The following TRPM1 variants were observed in gnomAD, a reference collection of about 807,000 sequenced individuals.
TRPM1 encodes the protein transient receptor potential cation channel subfamily M member 1.
TRPM1 carries 113 observed loss-of-function variants against 149.4 expected under a neutral mutation model. The ratio of observed to expected loss-of-function variants is 0.76; its 90% CI spans 0.65 to 0.88. The LOEUF is 0.88. Ranked by LOEUF, TRPM1 falls within the 40% of genes least tolerant of loss-of-function variation. TRPM1 has a pLI of 0.00. For synonymous variants in TRPM1, 741 were observed against 759.5 expected (o/e 0.98, Z 0.40); for missense variants, 1,976 against 2,038.7 (o/e 0.97, Z 0.59).
intron 18 of TRPM1, among the ~76,000 whole-genome samples, chr15:31,039,332 C>G (rs2033534170): frequency 6.6e-6 from 1 of 152,108 alleles, no homozygotes; most frequent in Non-Finnish European, 1.5e-5. Flanking sequence ...TATTAATATC[C>G]TAAGTTATGT....
intron 1 of TRPM1, among the ~76,000 whole-genome samples, chr15:31,113,679 T>C (rs1041231891): frequency 1.3e-5 from 2 of 152,008 alleles, no homozygotes; most frequent in South Asian, 2.1e-4. Context: ...ACCCACGTTT[T>C]AAGACTACTG....
At chr15:31,052,729 C>A (rs1488927371) in intron 11 of TRPM1, among the ~76,000 whole-genome samples, 1 of 152,170 alleles carries the variant, frequency 6.6e-6, no homozygotes, top group African/African-American at 2.4e-5. Context: ...GAGCTGAGAT[C>A]GTGCCGTTGC....
rs938372079 is a variant in TRPM1 at position 31,100,060 on chromosome 15, TTTCTTTC to T, written c.-84+1590_-84+1596del. On this transcript the variant is annotated intron_variant, in intron 1 of 27. Coordinates refer to ENST00000256552, the MANE Select transcript of TRPM1 (RefSeq NM_001252024.2). ...AATTTATGCAAATATTCTTTCTTTGTTTCTTTCTTCTTTCTTTCTTTCCTTCTTTTTT... is the reference window on the plus strand; with the variant it reads ...AATTTATGCAAATATTCTTTCTTTGTTTCTTTCTTTCTTTCCTTCTTTTTT... 1.2e-4 allele frequency among the ~76,000 whole-genome samples: 18 copies of T among 151,924 alleles called. 1 individual carries two copies. The highest frequency in any genetic ancestry group is 3.4e-4 in the African/African-American group (14 of 41,400).
intron 16 of TRPM1, among the ~76,000 whole-genome samples, chr15:31,043,560 T>C (rs1359036937): frequency 6.6e-6 from 1 of 152,218 alleles, no homozygotes; most frequent in African/African-American, 2.4e-5. Context: ...TATAGTATCT[T>C]GACTCCAATT....
At chr15:31,140,998 T>C (rs2036154123) in intron 1 of TRPM1, among the ~76,000 whole-genome samples, 1 of 151,736 alleles carries the variant, frequency 6.6e-6, no homozygotes, top group Non-Finnish European at 1.5e-5. Flanking sequence ...ATTTTTTTTT[T>C]TTTTTGTATT....
At chr15:31,065,492 A>G (rs147402719) in intron 7 of TRPM1, among the ~76,000 whole-genome samples, 12 of 152,300 alleles carry the variant, frequency 7.9e-5, no homozygotes, top group Admixed American at 1.3e-4. Flanking sequence ...AGTTGTTATC[A>G]TTGTTTCTTC....
Position 31,069,869 on chromosome 15 carries a change from A to C in TRPM1, c.279+162T>G, listed in dbSNP as rs1158200369. On this transcript the variant is annotated intron_variant, in intron 4 of 27. Transcript: ENST00000256552. ...TCCAGTTTCCAAGCCTCATGGCTAA[A>C]AGCCATGTGCACAGATATATCTCTT... 6.9e-6 allele frequency: 11 copies of C among 1,584,130 alleles called. No homozygotes were observed. The Admixed American group carries it at 1.4e-4, about 20-fold the overall frequency.
chr15:31,104,799 T>C (rs749862312), upstream of TRPM1, among the ~76,000 whole-genome samples: 1 of 152,088 alleles, frequency 6.6e-6, no homozygotes, highest in Non-Finnish European at 1.5e-5. Flanking sequence ...TTTCACCGTG[T>C]TGGCCAGGAT....
intron 1 of TRPM1, among the ~76,000 whole-genome samples, chr15:31,138,054 C>G (rs1033577974): frequency 6.6e-6 from 1 of 152,066 alleles, no homozygotes; most frequent in Non-Finnish European, 1.5e-5. Flanking sequence ...CCTCACAAGC[C>G]CTAACTTATG....
chr15:31,016,865 C>T (rs2140885078), intron 27 of TRPM1, among the ~76,000 whole-genome samples: 1 of 152,130 alleles, frequency 6.6e-6, no homozygotes, highest in Non-Finnish European at 1.5e-5. Context: ...TGTGATCCTC[C>T]ACGCCCATAT....
intron 11 of TRPM1, among the ~76,000 whole-genome samples, chr15:31,054,680 C>A (rs1233778620): frequency 6.6e-6 from 1 of 152,104 alleles, no homozygotes; most frequent in African/African-American, 2.4e-5. Context: ...TAGCAAATGA[C>A]AAATTGTATA....
chr15:31,072,018 T>TATATAGAGAGAGAGAGAGAG (rs1400392427), intron 3 of TRPM1, among the ~76,000 whole-genome samples: 7 of 36,898 alleles, frequency 1.9e-4, no homozygotes, highest in Non-Finnish European at 1.4e-4. Context: ...TATATATATA[T>TATATAGAGAGAGAGAGAGAG]AGAGAGAGAG....
chr15:31,130,790 G>A (rs1437262143), intron 1 of TRPM1, among the ~76,000 whole-genome samples: 1 of 152,164 alleles, frequency 6.6e-6, no homozygotes, highest in South Asian at 2.1e-4. Context: ...TCAATGCTCC[G>A]CACTCCCGGG....
At chr15:31,044,416 A>G (rs546094473) in intron 16 of TRPM1, among the ~76,000 whole-genome samples, 4 of 152,218 alleles carry the variant, frequency 2.6e-5, no homozygotes, top group Non-Finnish European at 5.9e-5. Context: ...ATAAAGCAAA[A>G]ATACCAGTAA....
intron 1 of TRPM1, among the ~76,000 whole-genome samples, chr15:31,145,461 T>C (rs1282069310): frequency 6.6e-6 from 1 of 152,242 alleles, no homozygotes; most frequent in South Asian, 2.1e-4. Flanking sequence ...ATGTTGAACC[T>C]GTCATATCAA....
chr15:31,031,265 G>A (rs939271308), intron 22 of TRPM1, 108 bp from the exon 23 acceptor site: 29 of 1,246,328 alleles, frequency 2.3e-5, no homozygotes, highest in South Asian at 2.1e-4. Flanking sequence ...TGCTTAATTA[G>A]GACGAAGAAA....
In TRPM1 at chr15:31,037,969, C is replaced by G. The variant is rs930363046; in HGVS notation, c.2439+75G>C. On this transcript the variant is annotated intron_variant, in intron 19 of 27. Coordinates refer to ENST00000256552, the MANE Select transcript of TRPM1 (RefSeq NM_001252024.2). ...CCTTTAACCAGTGAGATTTCTCAAT[C>G]TGTGGTACAAGAAATCTCAACAATT... The G allele has an allele frequency of 3.2e-5, 52 of 1,612,212 alleles. 1 individual carries two copies. The highest frequency in any genetic ancestry group is 4.1e-5 in the Non-Finnish European group (48 of 1,178,708).
At chr15:31,135,894 T>G (rs1439608231) in intron 1 of TRPM1, among the ~76,000 whole-genome samples, 1 of 152,160 alleles carries the variant, frequency 6.6e-6, no homozygotes, top group Non-Finnish European at 1.5e-5. Flanking sequence ...CCTGCAGAAC[T>G]GTGAGATTTC....
intron 1 of TRPM1, among the ~76,000 whole-genome samples, chr15:31,096,705 C>G (rs954352549): frequency 6.6e-6 from 1 of 152,230 alleles, no homozygotes; most frequent in African/African-American, 2.4e-5. Flanking sequence ...CTGGTTCCCA[C>G]AGGTAGTACC....
Sources: allele counts gnomAD v4.1 joint callset (sites outside exome capture counted in the v4.1 genomes callset), GRCh38; gene constraint gnomAD v4.1.1; transcripts MANE v1.5; gene names NCBI Gene and HGNC (gene_info 2026-07-23, HGNC 2026-07-21).